ERICH3: variants seen among roughly 807,000 people sequenced by gnomAD.
The protein encoded by ERICH3 is glutamate-rich protein 3.
A neutral mutation model predicts 131.1 loss-of-function variants in ERICH3; 126 were observed. The ratio of observed to expected loss-of-function variants is 0.96; its 90% CI spans 0.83 to 1.11. The LOEUF is 1.11. Among genes scored for constraint, ERICH3 ranks in the 50% most tolerant of loss-of-function variants. The probability of loss-of-function intolerance (pLI) is 0.00; values close to 1 mark genes in which losing one functional copy is unlikely to be tolerated. For missense variants in ERICH3, 2,050 were observed against 1,810.7 expected (o/e 1.13, Z -2.40); for synonymous variants, 695 against 644.6 (o/e 1.08, Z -1.18).
rs144787558 is a variant in ERICH3, at chr1:74,644,251, C to T, written c.244-1153G>A. Among the ~76,000 whole-genome samples the T allele has an allele frequency of 4.6e-4, 70 of 152,088 alleles. No individual in the cohort carries two copies. In the East Asian group the frequency reaches 0.013, roughly 28 times the overall value. On this transcript the variant is annotated intron_variant, in intron 3 of 14. Transcript: ENST00000326665. ...CTCTCTCTTCCTCTGATCTCCTACC[C>T]ACTTATCATCAAACTGTTCAATTCA... is the stretch of plus-strand genomic sequence containing the variant.
chr1:74,602,464 G>T (rs763663386), intron 10 of ERICH3, among the ~76,000 whole-genome samples: 4 of 151,868 alleles, frequency 2.6e-5, no homozygotes, highest in Non-Finnish European at 5.9e-5. Context: ...TAATTAGCTT[G>T]TTGTTTACCA....
At chr1:74,608,757 T>C (rs917775363) in intron 9 of ERICH3, among the ~76,000 whole-genome samples, 1 of 152,124 alleles carries the variant, frequency 6.6e-6, no homozygotes, top group African/African-American at 2.4e-5. Context: ...ACTATAATGA[T>C]GATGTGCTTA....
chr1:74,617,989 G>A (rs1298632094), intron 8 of ERICH3, among the ~76,000 whole-genome samples: 2 of 152,094 alleles, frequency 1.3e-5, no homozygotes, highest in Non-Finnish European at 2.9e-5. Context: ...GAGTCCAGGA[G>A]TTTGAGACCA....
chr1:74,649,355 G>A, intron 1 of ERICH3, 40 bp from the exon 2 acceptor site: 1 of 1,509,408 alleles, frequency 6.6e-7, no homozygotes, highest in South Asian at 1.1e-5. Flanking sequence ...TTTACAAGGG[G>A]TTGTTTGATA....
At chr1:74,662,747 C>T (rs531105615) in intron 1 of ERICH3, among the ~76,000 whole-genome samples, 3 of 151,404 alleles carry the variant, frequency 2.0e-5, no homozygotes, top group African/African-American at 7.4e-5. Flanking sequence ...GAACATGTCA[C>T]CTAAATAGGT....
chr1:74,631,668 T>C, intron 7 of ERICH3, 45 bp downstream of exon 7: 1 of 1,477,460 alleles, frequency 6.8e-7, no homozygotes, highest in Non-Finnish European at 9.5e-7. Flanking sequence ...TAGTGCAATG[T>C]AATCTGAGAT....
chr1:74,638,981 T>G (rs1646415062), intron 5 of ERICH3, among the ~76,000 whole-genome samples: 1 of 152,114 alleles, frequency 6.6e-6, no homozygotes, highest in Non-Finnish European at 1.5e-5. Flanking sequence ...AATGTTATTA[T>G]ATTTACAGTT....
At chr1:74,596,605 G>A (rs79352766) in intron 11 of ERICH3, among the ~76,000 whole-genome samples, 7,039 of 151,928 alleles carry the variant, frequency 0.046, 547 homozygotes, top group African/African-American at 0.16. Flanking sequence ...CTTTGTACCC[G>A]TTGACCTCTT....
chr1:74,571,920 C>T lies in ERICH3; in HGVS notation c.3790G>A (p.Val1264Met). Residue 1264 changes from valine to methionine, a missense_variant, in exon 14 of 15, where the codon GTG (valine) becomes ATG (methionine). Physicochemically the swap from Val to Met is conservative, Grantham distance 21 (BLOSUM62 1). Transcript: ENST00000326665. Reference sequence around the variant, plus strand: ...TCCTGGGTCCTTAGCACGACATCCACTCCTCCTTGCCCTTCAGCTCTCCCC... The same window carrying T: ...TCCTGGGTCCTTAGCACGACATCCATTCCTCCTTGCCCTTCAGCTCTCCCC... ...LEGRAEGQGG[V>M]DVVLRTQEAV... 1 of 1,612,744 alleles carries T rather than the reference C, an allele frequency of 6.2e-7. No individual in the cohort carries two copies.
At chr1:74,601,212 T>C (rs1648114184) in intron 10 of ERICH3, among the ~76,000 whole-genome samples, 1 of 151,902 alleles carries the variant, frequency 6.6e-6, no homozygotes, top group Admixed American at 6.6e-5. Flanking sequence ...AAACTACTAA[T>C]AAAAACGAGT....
chr1:74,660,236 G>A (rs1321468467), intron 1 of ERICH3, among the ~76,000 whole-genome samples: 1 of 152,024 alleles, frequency 6.6e-6, no homozygotes, highest in Non-Finnish European at 1.5e-5. Context: ...AGTTTCCTGA[G>A]ACCTTACCAG....
chr1:74,658,795 T>G (rs1281933885), intron 1 of ERICH3, among the ~76,000 whole-genome samples: 1 of 152,176 alleles, frequency 6.6e-6, no homozygotes, highest in Non-Finnish European at 1.5e-5. Flanking sequence ...AATCTTCTAT[T>G]GACACTTGTA....
intron 12 of ERICH3, among the ~76,000 whole-genome samples, chr1:74,578,790 T>C (rs1006855671): frequency 5.9e-5 from 9 of 152,224 alleles, no homozygotes; most frequent in Middle Eastern, 3.4e-3. Flanking sequence ...TGGAATGCAG[T>C]TTCTTGCTTA....
intron 1 of ERICH3, among the ~76,000 whole-genome samples, chr1:74,659,270 TCCTCCTGCTAGAAGCA>T (rs759507742): frequency 3.4e-4 from 52 of 152,134 alleles, no homozygotes; most frequent in Admixed American, 5.9e-4. Flanking sequence ...CTTTACACTG[TCCTCCTGCTAGAAGCA>T]CCTCCTGCTA....
rs543111693 is a variant in ERICH3 at position 74,569,500 on chromosome 1, G to C, written c.*958C>G. ...TGTTACTGTTGATTTATAATGAACT[G>C]CAAGGTTAGTTCACAGGTTTGAAAT... On this transcript the variant is annotated 3_prime_UTR_variant, in exon 15 of 15. Coordinates refer to ENST00000326665, the MANE Select transcript of ERICH3 (RefSeq NM_001002912.5). 61 of 152,220 alleles carry C rather than the reference G, an allele frequency of 4.0e-4. No homozygotes were observed. The highest frequency in any genetic ancestry group is 1.4e-3 in the African/African-American group (57 of 41,542). The allele number at this position is 152,220 out of a possible 1,614,324, so 9.4% of individuals were successfully genotyped here. A position where few individuals can be genotyped will look rare whatever the true frequency, so the allele number is the denominator to read the frequency against.
chr1:74,662,702 T>C lies in ERICH3; in HGVS notation c.23+10795A>G, dbSNP rs190232027. Among the ~76,000 whole-genome samples, 4 of 152,308 alleles carry C rather than the reference T, an allele frequency of 2.6e-5. No homozygotes were observed. The East Asian group carries it at 7.7e-4, about 29-fold the overall frequency. ...TTAACTTCTCCTTACAGGCCAGCTT[T>C]CACATGGTTTTATAGCATGCTTGCC... On this transcript the variant is annotated intron_variant, in intron 1 of 14. Coordinates refer to ENST00000326665, the MANE Select transcript of ERICH3 (RefSeq NM_001002912.5).
rs1230176034 is a variant in ERICH3, at chr1:74,572,912, G to A, written c.2798C>T (p.Ala933Val). The A allele has an allele frequency of 6.2e-7, 1 of 1,613,850 alleles. No individual in the cohort carries two copies. Among genetic ancestry groups the A allele is most frequent in the Non-Finnish European group, 8.5e-7 (1 of 1,179,984 alleles). The change falls in exon 14 of 15, where the codon GCT (alanine) becomes GTT (valine). Residue 933 changes from alanine (A) to valine (V), a missense_variant. Coordinates refer to ENST00000326665, the MANE Select transcript of ERICH3 (RefSeq NM_001002912.5). Reference sequence around the variant, plus strand: ...ATCACTCACAGCCACCCCACCCTCAGCCTCTCCCTCCTCCGATGTCGCTGC... The same window carrying A: ...ATCACTCACAGCCACCCCACCCTCAACCTCTCCCTCCTCCGATGTCGCTGC... Reference protein sequence around the residue: ...REAATSEEGEAEGGVAVSDVG... With the variant: ...REAATSEEGEVEGGVAVSDVG...
intron 1 of ERICH3, among the ~76,000 whole-genome samples, chr1:74,667,916 C>A (rs1173183259): frequency 6.6e-6 from 1 of 152,092 alleles, no homozygotes; most frequent in African/African-American, 2.4e-5. Context: ...CTTTCCCCCA[C>A]GCTGTTCTTG....
At chr1:74,576,975 A>T (rs775768408) in intron 12 of ERICH3, 39 bp from the exon 13 acceptor site, 1 of 1,541,974 alleles carries the variant, frequency 6.5e-7, no homozygotes, top group Admixed American at 1.9e-5. Context: ...AGGTCAAATG[A>T]ATCACTGTGA....
Sources: allele counts gnomAD v4.1 joint callset (sites outside exome capture counted in the v4.1 genomes callset), GRCh38; gene constraint gnomAD v4.1.1; transcripts MANE v1.5; gene names NCBI Gene and HGNC (gene_info 2026-07-23, HGNC 2026-07-21).